Variants in CAPN8 observed in about 807,000 individuals in gnomAD.
The protein encoded by CAPN8 is calpain-8.
A neutral mutation model predicts 80.9 loss-of-function variants in CAPN8; 87 were observed. The observed-to-expected ratio is 1.07, with a 90% CI of 0.90 to 1.28. The LOEUF (loss-of-function observed/expected upper bound fraction) is 1.28. Among genes scored for constraint, CAPN8 ranks in the 50% most tolerant of loss-of-function variants. The probability of loss-of-function intolerance (pLI) is 0.00; values close to 1 mark genes in which losing one functional copy is unlikely to be tolerated. For synonymous variants in CAPN8, 299 were observed against 273.8 expected, an observed-to-expected ratio of 1.09 and a Z score of -0.91; for missense variants, 757 against 702.0, an observed-to-expected ratio of 1.08 and a Z score of -0.89.
chr1:223,641,423 C>T (rs888787288), intron 2 of CAPN8, among the ~76,000 whole-genome samples: 7 of 151,574 alleles, frequency 4.6e-5, no homozygotes, highest in African/African-American at 1.5e-4. Flanking sequence ...TTTCAGTGGT[C>T]CCTTTCCAAT....
At chr1:223,625,234 G>A (rs79263940) in intron 6 of CAPN8, among the ~76,000 whole-genome samples, 19,318 of 150,092 alleles carry the variant, frequency 0.13, 1,281 homozygotes, top group South Asian at 0.17. Context: ...CCCTTTTCCT[G>A]TTTTGGGATT....
At chr1:223,545,066 G>T in intron 17 of CAPN8, 165 bp downstream of exon 17, 1 of 1,392,912 alleles carries the variant, frequency 7.2e-7, no homozygotes, top group Non-Finnish European at 9.7e-7. Flanking sequence ...GCAGTGGTTG[G>T]CATGAGAGTC....
At position 223,619,329 on chromosome 1, in the gene CAPN8, G is replaced by A. The variant is rs554837985; in HGVS notation, c.1099C>T (p.Arg367Trp). 1.4e-4 allele frequency: 214 copies of A among 1,551,694 alleles called. No individual in the cohort carries two copies. The highest frequency in any genetic ancestry group is 5.9e-4 in the South Asian group (50 of 84,066). Residue 367 changes from arginine (R) to tryptophan (W), a missense_variant, in exon 9 of 21, where the codon CGG (arginine) becomes TGG (tryptophan). By Grantham distance (101) the Arg-to-Trp change is moderately radical. Transcript: ENST00000366872. The part of the protein sequence containing the change: ...NLVLFNGHWT[R>W]GSTAGGCQNY... Reference sequence around the variant, plus strand: ...TGGCAGCCCCCAGCTGTGGAGCCCCGGGTCCAGTGGCCGTTGAACAGGACC... The same window carrying A: ...TGGCAGCCCCCAGCTGTGGAGCCCCAGGTCCAGTGGCCGTTGAACAGGACC...
intron 1 of CAPN8, among the ~76,000 whole-genome samples, chr1:223,660,959 G>A (rs1218247615): frequency 1.3e-5 from 2 of 152,172 alleles, no homozygotes; most frequent in African/African-American, 2.4e-5. Context: ...TTGAGACCAG[G>A]AGTTTGAGAC....
intron 6 of CAPN8, among the ~76,000 whole-genome samples, chr1:223,623,870 C>G (rs973217277): frequency 6.6e-6 from 1 of 151,820 alleles, no homozygotes; most frequent in Non-Finnish European, 1.5e-5. Flanking sequence ...CGTGGTGGCG[C>G]GTGCCTGTAA....
chr1:223,614,850 G>A lies in CAPN8; in HGVS notation c.1311+1120C>T, dbSNP rs544828603. 1.6e-4 allele frequency among the ~76,000 whole-genome samples: 25 copies of A among 152,330 alleles called. No individual in the cohort carries two copies. In the South Asian group the frequency reaches 5.2e-3, roughly 32 times the overall value. Reference sequence around the variant, plus strand: ...TTTTTATCTCTTCAAACAGAGTCTGGCTTTGTGCTACTTACATTCTAGGTG... The same window carrying A: ...TTTTTATCTCTTCAAACAGAGTCTGACTTTGTGCTACTTACATTCTAGGTG... On this transcript the variant is annotated intron_variant, in intron 10 of 20. Transcript: ENST00000366872.
rs118021731 is a variant in CAPN8, at chr1:223,661,977, T to C, written c.237+3433A>G. On this transcript the variant is annotated intron_variant, in intron 1 of 20. Transcript: ENST00000366872. ...GGTCTATAGACACCACAGAATACTA[T>C]TCAACCTTTGAAAGGAAGGAAATTT... 2.8e-4 allele frequency among the ~76,000 whole-genome samples: 42 copies of C among 152,288 alleles called. No individual in the cohort carries two copies. In the East Asian group the frequency reaches 7.5e-3, roughly 27 times the overall value.
intron 11 of CAPN8, among the ~76,000 whole-genome samples, chr1:223,611,535 G>T (rs1302443063): frequency 2.0e-5 from 3 of 152,204 alleles, no homozygotes; most frequent in African/African-American, 2.4e-5. Flanking sequence ...GCCCTGCTCT[G>T]CAAGGACCTC....
At chr1:223,639,106 G>C (rs2102723323) in intron 2 of CAPN8, among the ~76,000 whole-genome samples, 1 of 152,234 alleles carries the variant, frequency 6.6e-6, no homozygotes, top group African/African-American at 2.4e-5. Context: ...TGGACGTGGT[G>C]GCCCACACCT....
chr1:223,635,277 A>G (rs957575974), intron 2 of CAPN8, among the ~76,000 whole-genome samples: 5 of 152,120 alleles, frequency 3.3e-5, no homozygotes, highest in Admixed American at 1.3e-4. Flanking sequence ...CTTGGTGAAC[A>G]CGCCTTTTGA....
intron 2 of CAPN8, among the ~76,000 whole-genome samples, chr1:223,632,367 GGTTTTGTTTT>G (rs71572867): frequency 6.6e-6 from 1 of 151,544 alleles, no homozygotes; most frequent in African/African-American, 2.4e-5. Context: ...TTGGAGCATA[GGTTTTGTTTT>G]GTTTTGTTTT....
intron 7 of CAPN8, among the ~76,000 whole-genome samples, chr1:223,622,275 T>A (rs1206176104): frequency 2.6e-5 from 4 of 152,146 alleles, no homozygotes; most frequent in African/African-American, 9.7e-5. Context: ...CTTTCCCTCA[T>A]CAGCAGAGAG....
At chr1:223,645,567 C>A (rs779836846) in intron 2 of CAPN8, among the ~76,000 whole-genome samples, 10 of 152,172 alleles carry the variant, frequency 6.6e-5, no homozygotes, top group Non-Finnish European at 1.3e-4. Context: ...GGTGGGGGGA[C>A]CACTCCAGGC....
chr1:223,647,679 C>A (rs936657363), intron 2 of CAPN8, among the ~76,000 whole-genome samples: 1 of 152,064 alleles, frequency 6.6e-6, no homozygotes, highest in Non-Finnish European at 1.5e-5. Context: ...ACACCTGCTG[C>A]AGTCATATTT....
intron 13 of CAPN8, among the ~76,000 whole-genome samples, chr1:223,554,479 G>T (rs1247729688): frequency 6.6e-6 from 1 of 152,096 alleles, no homozygotes; most frequent in Non-Finnish European, 1.5e-5. Context: ...AATTAGCTGG[G>T]TGTAGTGGTG....
intron 15 of CAPN8, among the ~76,000 whole-genome samples, 188 bp downstream of exon 15, chr1:223,550,772 G>A (rs200488592): frequency 1.3e-5 from 2 of 151,864 alleles, no homozygotes; most frequent in Non-Finnish European, 2.9e-5. Context: ...CTCCACCCTC[G>A]CCTCCCCGTC....
intron 2 of CAPN8, among the ~76,000 whole-genome samples, chr1:223,635,359 A>G (rs187531498): frequency 4.0e-5 from 6 of 151,594 alleles, no homozygotes; most frequent in Admixed American, 3.9e-4. Flanking sequence ...ACATACACAC[A>G]CTGATTTTTT....
Position 223,542,115 on chromosome 1 carries a change from TAC to T in CAPN8, c.2089-258_2089-257del, listed in dbSNP as rs759775820. ...AAATAGGTATGTGCATGTATATTCA[TAC>T]ACACACACACACATACATATATACA... is the stretch of plus-strand genomic sequence containing the variant. On this transcript the variant is annotated intron_variant, in intron 20 of 20. Coordinates refer to ENST00000366872, the MANE Select transcript of CAPN8 (RefSeq NM_001143962.2). Among the ~76,000 whole-genome samples, 43 of 151,286 alleles carry T rather than the reference TAC, an allele frequency of 2.8e-4. 1 individual carries two copies. Among genetic ancestry groups the T allele is most frequent in the African/African-American group, 7.8e-4 (32 of 41,242 alleles).
chr1:223,542,774 A>G (rs1022772214), intron 20 of CAPN8, among the ~76,000 whole-genome samples: 10 of 152,120 alleles, frequency 6.6e-5, no homozygotes, highest in African/African-American at 2.4e-4. Context: ...ATCCTTCCAT[A>G]GGTCCATATA....
Sources: allele counts gnomAD v4.1 joint callset (sites outside exome capture counted in the v4.1 genomes callset), GRCh38; gene constraint gnomAD v4.1.1; transcripts MANE v1.5; gene names NCBI Gene and HGNC (gene_info 2026-07-23, HGNC 2026-07-21).